Variants in AKT3 observed in about 807,000 individuals in gnomAD.
AKT3 encodes the protein RAC-gamma serine/threonine-protein kinase.
Under a neutral mutation model 65.3 loss-of-function variants are expected in AKT3, and 15 were observed. The observed-to-expected ratio is 0.23, with a 90% confidence interval of 0.15 to 0.35. The LOEUF is 0.35. Ranked by LOEUF, AKT3 falls within the 10% of genes least tolerant of loss-of-function variation. AKT3 has a pLI of 1.00. For synonymous variants in AKT3, 206 were observed against 183.8 expected, an observed-to-expected ratio of 1.12 and a Z score of -0.98; for missense variants, 243 against 576.5, an observed-to-expected ratio of 0.42 and a Z score of 5.92.
intron 6 of AKT3, among the ~76,000 whole-genome samples, chr1:243,619,836 CCTTT>C (rs1678604181): frequency 1.1e-5 from 1 of 90,216 alleles, no homozygotes. Context: ...ATGATGATTT[CCTTT>C]GTTTTGGATA....
intron 2 of AKT3, among the ~76,000 whole-genome samples, chr1:243,711,078 T>C (rs1686118192): frequency 6.6e-6 from 1 of 152,208 alleles, no homozygotes; most frequent in Admixed American, 6.5e-5. Context: ...CCCAGCACTT[T>C]GGGAGGCCAA....
At chr1:243,622,940 A>C (rs1166797122) in intron 6 of AKT3, among the ~76,000 whole-genome samples, 4 of 152,218 alleles carry the variant, frequency 2.6e-5, no homozygotes, top group Admixed American at 2.6e-4. Flanking sequence ...GGTTATTTTA[A>C]TGGACTTACG....
chr1:243,727,304 G>T (rs1687269654), intron 2 of AKT3, among the ~76,000 whole-genome samples: 1 of 152,104 alleles, frequency 6.6e-6, no homozygotes. Context: ...TTGATTGATT[G>T]ATTGATTGAG....
intron 12 of AKT3, among the ~76,000 whole-genome samples, chr1:243,528,449 C>G (rs943880868): frequency 6.6e-6 from 1 of 152,082 alleles, no homozygotes; most frequent in Non-Finnish European, 1.5e-5. Context: ...CCTGGTAGGT[C>G]GTTTTTTGAT....
At chr1:243,616,946 T>C (rs187095176) in intron 6 of AKT3, among the ~76,000 whole-genome samples, 1 of 152,174 alleles carries the variant, frequency 6.6e-6, no homozygotes, top group African/African-American at 2.4e-5. Context: ...CCTAAGTTAA[T>C]TAGAATAGCA....
intron 13 of AKT3, 54 bp from the exon 14 acceptor site, chr1:243,505,388 A>C: frequency 6.8e-7 from 1 of 1,477,400 alleles, no homozygotes; most frequent in Non-Finnish European, 9.4e-7. Flanking sequence ...TTGCAACATT[A>C]TCTCTAGTCT....
intron 2 of AKT3, 72 bp from the exon 3 acceptor site, chr1:243,695,788 G>A (rs2148025808): frequency 7.1e-7 from 1 of 1,405,050 alleles, no homozygotes. Context: ...AATAAATTAT[G>A]GTACAATATA....
At chr1:243,638,854 GA>G (rs1680169167) in intron 5 of AKT3, among the ~76,000 whole-genome samples, 1 of 150,956 alleles carries the variant, frequency 6.6e-6, no homozygotes, top group African/African-American at 2.4e-5. Context: ...TAACCCAAAA[GA>G]GTTAGAAGAA....
At chr1:243,490,872 T>TC (rs1666236275) in intron 13 of AKT3, among the ~76,000 whole-genome samples, 2 of 152,120 alleles carry the variant, frequency 1.3e-5, no homozygotes, top group Non-Finnish European at 2.9e-5. Flanking sequence ...TGTGGGCAGG[T>TC]CCCCAGGGAG....
chr1:243,535,207 T>TAA (rs1214375811), intron 12 of AKT3, among the ~76,000 whole-genome samples: 2,284 of 147,554 alleles, frequency 0.015, 68 homozygotes, highest in African/African-American at 0.055. Context: ...TATTTTAAAA[T>TAA]TATTTTAAAA....
chr1:243,740,146 A>G (rs1490424983), intron 2 of AKT3, among the ~76,000 whole-genome samples: 3 of 152,194 alleles, frequency 2.0e-5, no homozygotes, highest in Non-Finnish European at 4.4e-5. Context: ...TCACTAACCA[A>G]AAAATGAGAG....
At chr1:243,586,456 G>T (rs952685656) in intron 8 of AKT3, among the ~76,000 whole-genome samples, 16 of 152,130 alleles carry the variant, frequency 1.1e-4, no homozygotes, top group Non-Finnish European at 2.1e-4. Context: ...CATGTTCATT[G>T]CAGAACTATT....
intron 8 of AKT3, among the ~76,000 whole-genome samples, chr1:243,587,986 G>A (rs950277507): frequency 1.3e-5 from 2 of 152,120 alleles, no homozygotes; most frequent in African/African-American, 2.4e-5. Flanking sequence ...AGTGCATGAC[G>A]ATGGTACCTG....
intron 13 of AKT3, among the ~76,000 whole-genome samples, chr1:243,510,829 C>T (rs2148359354): frequency 6.6e-6 from 1 of 152,344 alleles, no homozygotes; most frequent in South Asian, 2.1e-4. Context: ...GGTCTGATTA[C>T]AGTTAGGATT....
intron 2 of AKT3, among the ~76,000 whole-genome samples, chr1:243,710,900 A>C (rs759174515): frequency 6.6e-6 from 1 of 152,244 alleles, no homozygotes; most frequent in Non-Finnish European, 1.5e-5. Context: ...TAGGTGTTCC[A>C]AAGTCTCATT....
rs1693566158 is a variant in AKT3, at chr1:243,817,027, T to A, written c.46+26098A>T. ...CTAGTCTTTAGAAGAACTGGTGGCT[T>A]CCATTCTTAGAAGTTAGTAACATGC... On this transcript the variant is annotated intron_variant, in intron 2 of 13. Transcript: ENST00000673466. 2.0e-5 allele frequency among the ~76,000 whole-genome samples: 3 copies of A among 152,206 alleles called. No homozygotes were observed. The South Asian group carries it at 6.2e-4, about 32-fold the overall frequency.
At chr1:243,731,444 G>C (rs1301133936) in intron 2 of AKT3, among the ~76,000 whole-genome samples, 1 of 152,222 alleles carries the variant, frequency 6.6e-6, no homozygotes, top group Non-Finnish European at 1.5e-5. Flanking sequence ...TCTCAGTACA[G>C]CAACAGTAAC....
chr1:243,510,876 C>T (rs990580258), intron 13 of AKT3, among the ~76,000 whole-genome samples: 11 of 152,266 alleles, frequency 7.2e-5, no homozygotes, highest in African/African-American at 2.4e-4. Context: ...GGCTGTATGG[C>T]AGGAACTGCC....
chr1:243,713,689 T>G (rs1262080647), intron 2 of AKT3, among the ~76,000 whole-genome samples: 2 of 143,084 alleles, frequency 1.4e-5, no homozygotes, highest in African/African-American at 5.2e-5. Flanking sequence ...AACTTCTTTG[T>G]GCTTCCCTAC....
Sources: gnomAD v4.1 joint callset for allele counts (sites outside exome capture counted in the v4.1 genomes callset) on GRCh38, gnomAD v4.1.1 for gene constraint, MANE v1.5 for transcripts, NCBI Gene and HGNC (gene_info 2026-07-23, HGNC 2026-07-21) for gene names.